Variants in ZNF521 observed in about 807,000 individuals in gnomAD.
ZNF521 encodes the protein LYST-interacting protein 3.
In ZNF521, 14 loss-of-function variants were observed where a neutral mutation model predicts 105.5. The observed-to-expected ratio is 0.13, with a 90% CI of 0.09 to 0.21. ZNF521 has a LOEUF of 0.21. Ranked by LOEUF, ZNF521 falls within the 10% of genes least tolerant of loss-of-function variation. The pLI is 1.00. For missense variants in ZNF521, 1,233 were observed against 1,629.7 expected (o/e 0.76, Z 4.19); for synonymous variants, 635 against 606.0 (o/e 1.05, Z -0.70).
chr18:25,220,344 C>A (rs150526070), intron 4 of ZNF521, among the ~76,000 whole-genome samples: 1 of 152,280 alleles, frequency 6.6e-6, no homozygotes, highest in African/African-American at 2.4e-5. Flanking sequence ...GCAGAAGATC[C>A]TGGGCAATGG....
rs1186604691 is a variant in ZNF521, at chr18:25,062,182, A to AAT, written c.*528_*529dup. 10 of 203,254 alleles carry AAT rather than the reference A, an allele frequency of 4.9e-5. No homozygotes were observed. Among genetic ancestry groups the AAT allele is most frequent in the Non-Finnish European group, 7.1e-5 (7 of 99,290 alleles). The allele number at this position is 203,254 out of a possible 1,614,324, so 12.6% of individuals were successfully genotyped here. The stretch of plus-strand genomic sequence containing the variant: ...TACCTGTCACATTGCAAGGCTTACA[A>AAT]ATATATATATACGGGCCTTATCCAG... On this transcript the variant is annotated 3_prime_UTR_variant, in exon 8 of 8. Coordinates refer to ENST00000361524, the MANE Select transcript of ZNF521 (RefSeq NM_015461.3).
At position 25,308,425 on chromosome 18, in the gene ZNF521, T is replaced by C. The variant is rs1041691241; in HGVS notation, c.220+13583A>G. On this transcript the variant is annotated intron_variant, in intron 3 of 7. Transcript: ENST00000361524. ...TAATTATTATGCAACAATGAATAACTAATACATTCTTATTCTCTCATTAAT... is the reference window on the plus strand; with the variant it reads ...TAATTATTATGCAACAATGAATAACCAATACATTCTTATTCTCTCATTAAT... Among the ~76,000 whole-genome samples, 21 of 152,322 alleles carry C rather than the reference T, an allele frequency of 1.4e-4. 1 individual carries two copies. The highest frequency in any genetic ancestry group is 4.8e-4 in the African/African-American group (20 of 41,572).
At position 25,177,644 on chromosome 18, in the gene ZNF521, C is replaced by T. The variant is rs141203230; in HGVS notation, c.3658+17516G>A. Among the ~76,000 whole-genome samples, 704 of 151,818 alleles carry T rather than the reference C, an allele frequency of 4.6e-3. 4 individuals carry two copies. The highest frequency in any genetic ancestry group is 0.016 in the African/African-American group (680 of 41,382). On this transcript the variant is annotated intron_variant, in intron 5 of 7. Coordinates refer to ENST00000361524, the MANE Select transcript of ZNF521 (RefSeq NM_015461.3). ...GTTAATTGGACTGGTTTAAAAAATA[C>T]ATTTTAGAGAAGCTTATATATACTA...
At chr18:25,079,970 A>G (rs1191042918) in intron 7 of ZNF521, among the ~76,000 whole-genome samples, 1 of 152,212 alleles carries the variant, frequency 6.6e-6, no homozygotes, top group East Asian at 1.9e-4. Context: ...AGACAATTAT[A>G]AAATTAAGTT....
chr18:25,309,453 T>C (rs1257646608), intron 3 of ZNF521, among the ~76,000 whole-genome samples: 1 of 152,176 alleles, frequency 6.6e-6, no homozygotes, highest in African/African-American at 2.4e-5. Flanking sequence ...CAGAAAAGTG[T>C]AGAAAACTAT....
At chr18:25,338,271 G>T (rs2145198552) in intron 2 of ZNF521, among the ~76,000 whole-genome samples, 1 of 151,122 alleles carries the variant, frequency 6.6e-6, no homozygotes, top group African/African-American at 2.4e-5. Context: ...GTGTGTGTGT[G>T]TGTGTGTGTG....
chr18:25,325,539 G>A lies in ZNF521; in HGVS notation c.41-3352C>T, dbSNP rs139753790. The stretch of plus-strand genomic sequence containing the variant: ...CTCCATTGTTGTGCTATAAATCCAC[G>A]CAAAGGGTGATATTTTAAAATATCC... On this transcript the variant is annotated intron_variant, in intron 2 of 7. Coordinates refer to ENST00000361524, the MANE Select transcript of ZNF521 (RefSeq NM_015461.3). Among the ~76,000 whole-genome samples, 798 of 152,186 alleles carry A rather than the reference G, an allele frequency of 5.2e-3. 11 individuals are homozygous for A. The highest frequency in any genetic ancestry group is 0.018 in the African/African-American group (747 of 41,516).
chr18:25,228,522 G>A (rs529015751), intron 3 of ZNF521, among the ~76,000 whole-genome samples: 2 of 152,300 alleles, frequency 1.3e-5, no homozygotes, highest in East Asian at 3.9e-4. Context: ...TTCAAGAGGT[G>A]GCCCACCATA....
chr18:25,087,686 C>T (rs1318441651), intron 7 of ZNF521, among the ~76,000 whole-genome samples: 1 of 152,088 alleles, frequency 6.6e-6, no homozygotes, highest in Non-Finnish European at 1.5e-5. Context: ...TTTTTTCAAA[C>T]AGAAATTTAG....
At chr18:25,167,680 A>G (rs1028599739) in intron 5 of ZNF521, among the ~76,000 whole-genome samples, 1 of 152,200 alleles carries the variant, frequency 6.6e-6, no homozygotes, top group Non-Finnish European at 1.5e-5. Flanking sequence ...GCTACCATTA[A>G]GCAGGCATTT....
intron 2 of ZNF521, among the ~76,000 whole-genome samples, chr18:25,346,403 G>A (rs897391559): frequency 6.6e-6 from 1 of 151,990 alleles, no homozygotes; most frequent in Non-Finnish European, 1.5e-5. Context: ...TTAAATTTCA[G>A]GGCCAGTACA....
At chr18:25,212,565 A>ATATATATATGTG (rs1227568202) in intron 4 of ZNF521, among the ~76,000 whole-genome samples, 1 of 112,878 alleles carries the variant, frequency 8.9e-6, no homozygotes. Context: ...ATATATATAT[A>ATATATATATGTG]TGTATAGAAA....
chr18:25,263,598 C>G (rs1168569664), intron 3 of ZNF521, among the ~76,000 whole-genome samples: 1 of 151,184 alleles, frequency 6.6e-6, no homozygotes, highest in African/African-American at 2.4e-5. Flanking sequence ...GTTTTTGGAA[C>G]AGAGTCTCGC....
chr18:25,333,435 G>A (rs183393160), intron 2 of ZNF521, among the ~76,000 whole-genome samples: 184 of 151,882 alleles, frequency 1.2e-3, no homozygotes, highest in Non-Finnish European at 2.3e-3. Flanking sequence ...GAATAATAAG[G>A]AAAATAATCT....
intron 5 of ZNF521, among the ~76,000 whole-genome samples, chr18:25,134,135 T>C (rs1319345353): frequency 6.6e-6 from 1 of 152,140 alleles, no homozygotes; most frequent in East Asian, 1.9e-4. Flanking sequence ...GGAAGCTGCC[T>C]TACCTCTTGT....
In ZNF521 at chr18:25,080,368, G is replaced by A. The variant is rs887641969; in HGVS notation, c.3906+9097C>T. Reference sequence around the variant, plus strand: ...GCTTTTAAGCACTATTCATCTCGCCGCCACATCTCAGGCTTTTACAGAACA... The same window carrying A: ...GCTTTTAAGCACTATTCATCTCGCCACCACATCTCAGGCTTTTACAGAACA... On this transcript the variant is annotated intron_variant, in intron 7 of 7. Transcript: ENST00000361524. Among the ~76,000 whole-genome samples, 11 of 152,218 alleles carry A rather than the reference G, an allele frequency of 7.2e-5. No individual in the cohort carries two copies. In the East Asian group the frequency reaches 7.7e-4, roughly 11 times the overall value.
intron 3 of ZNF521, among the ~76,000 whole-genome samples, chr18:25,240,590 C>T (rs982552178): frequency 1.3e-5 from 2 of 152,176 alleles, no homozygotes; most frequent in Non-Finnish European, 2.9e-5. Context: ...TAAATCATCA[C>T]ACAATCTGCT....
At chr18:25,290,909 G>T (rs1394365440) in intron 3 of ZNF521, among the ~76,000 whole-genome samples, 4 of 152,076 alleles carry the variant, frequency 2.6e-5, no homozygotes, top group Admixed American at 6.5e-5. Context: ...ATGGATGGAT[G>T]GATGGATGGG....
At chr18:25,258,218 C>T (rs1030477198) in intron 3 of ZNF521, among the ~76,000 whole-genome samples, 8 of 152,262 alleles carry the variant, frequency 5.3e-5, no homozygotes, top group African/African-American at 1.9e-4. Flanking sequence ...CTTTGTTTCA[C>T]ATTTAGTAGC....
Sources: allele counts gnomAD v4.1 joint callset (sites outside exome capture counted in the v4.1 genomes callset), GRCh38; gene constraint gnomAD v4.1.1; transcripts MANE v1.5; gene names NCBI Gene and HGNC (gene_info 2026-07-23, HGNC 2026-07-21).